The following ADAMTS10 variants were observed in gnomAD, a reference collection of about 807,000 sequenced individuals.
ADAMTS10 encodes A disintegrin and metalloproteinase with thrombospondin motifs 10.
ADAMTS10 carries 48 observed loss-of-function variants against 135.9 expected under a neutral mutation model. The observed-to-expected ratio is 0.35, with a 90% CI of 0.28 to 0.45. The LOEUF (loss-of-function observed/expected upper bound fraction) is 0.45. Among genes scored for constraint, ADAMTS10 ranks in the 20% least tolerant of loss-of-function variants. ADAMTS10 has a pLI of 1.00. For synonymous variants in ADAMTS10, 621 were observed against 647.5 expected, an observed-to-expected ratio of 0.96 and a Z score of 0.62; for missense variants, 1,131 against 1,565.2, an observed-to-expected ratio of 0.72 and a Z score of 4.68.
In ADAMTS10 at chr19:8,587,159, C is replaced by CTT. The variant is rs1201726308; in HGVS notation, c.2159-265_2159-264dup. Among the ~76,000 whole-genome samples, 20 of 151,158 alleles carry CTT rather than the reference C, an allele frequency of 1.3e-4. 1 individual carries two copies. The highest frequency in any genetic ancestry group is 9.2e-4 in the Admixed American group (14 of 15,138). On this transcript the variant is annotated intron_variant, in intron 18 of 25. Transcript: ENST00000597188. ...GGTTAGGATTTTTCTTTCTTTCTTT[C>CTT]TTTCTTTTTTTTTTTTGGAGACAGG...
chr19:8,603,889 GTT>G lies in ADAMTS10; in HGVS notation c.436-7_436-6del. On this transcript the variant is annotated splice_region_variant and splice_polypyrimidine_tract_variant and intron_variant, in intron 4 of 25. Coordinates refer to ENST00000597188, the MANE Select transcript of ADAMTS10 (RefSeq NM_030957.4). ...GTCTGCCACGATCAGGCCGTGCTGG[GTT>G]TTGAGAAGTGGGATAGAAAGCTCTC... is the stretch of plus-strand genomic sequence containing the variant. 6.2e-7 allele frequency: 1 copy of G among 1,601,734 alleles called. No homozygotes were observed. Among genetic ancestry groups the G allele is most frequent in the Non-Finnish European group, 8.5e-7 (1 of 1,171,006 alleles).
rs782324329 is a variant in ADAMTS10 at position 8,586,728 on chromosome 19, G to A, written c.2240-7C>T. 1 of 1,614,114 alleles carries A rather than the reference G, an allele frequency of 6.2e-7. No individual in the cohort carries two copies. The highest frequency in any genetic ancestry group is 2.2e-5 in the East Asian group (1 of 44,878). ...TCCTGGTCTCCCTTCAGGGCTGGGG[G>A]ACGATGCAGGGTTCAGAATTCTAGT... On this transcript the variant is annotated splice_region_variant and splice_polypyrimidine_tract_variant and intron_variant, in intron 19 of 25. Coordinates refer to ENST00000597188, the MANE Select transcript of ADAMTS10 (RefSeq NM_030957.4).
intron 6 of ADAMTS10, among the ~76,000 whole-genome samples, chr19:8,600,500 CTTTT>C (rs797035354): frequency 7.7e-6 from 1 of 129,832 alleles, no homozygotes. Flanking sequence ...TCTTTCTTTT[CTTTT>C]TTTTTTTTTT....
At chr19:8,609,586 C>G (rs942262653) in intron 1 of ADAMTS10, among the ~76,000 whole-genome samples, 1 of 152,088 alleles carries the variant, frequency 6.6e-6, no homozygotes, top group African/African-American at 2.4e-5. Flanking sequence ...GAGGCAGTCC[C>G]TGCCGGAGAG....
At chr19:8,602,211 T>A (rs1422201740) in intron 5 of ADAMTS10, among the ~76,000 whole-genome samples, 1 of 152,218 alleles carries the variant, frequency 6.6e-6, no homozygotes, top group African/African-American at 2.4e-5. Context: ...CTTTTTTCTG[T>A]CTGTACTGCT....
At chr19:8,585,755 A>G in intron 22 of ADAMTS10, 95 bp from the exon 23 acceptor site, 1 of 1,274,126 alleles carries the variant, frequency 7.8e-7, no homozygotes, top group Non-Finnish European at 1.1e-6. Context: ...CCTTCCAATC[A>G]CCCAGCCTCA....
In ADAMTS10 at chr19:8,589,281, T is replaced by C. The variant is rs1568395680; in HGVS notation, c.2119A>G (p.Thr707Ala). 1 of 1,612,392 alleles carries C rather than the reference T, an allele frequency of 6.2e-7. No individual in the cohort carries two copies. The highest frequency in any genetic ancestry group is 8.5e-7 in the Non-Finnish European group (1 of 1,179,922). Residue 707 changes from threonine (T) to alanine (A), a missense_variant, in exon 18 of 26, where the codon ACC (threonine) becomes GCC (alanine). By Grantham distance (58) the Thr-to-Ala change is moderately conservative (BLOSUM62 0). This residue lies in a region of ADAMTS10 where 745 missense variants were observed against 1,056.3 expected (regional missense o/e 0.71). Transcript: ENST00000597188. ...VCGGDGSACE[T>A]IEGVFSPASP... ...GCTGGGCTGAAGACGCCCTCGATGG[T>C]CTCGCAGGCACTGCCGTCACCGCCA...
Position 8,596,575 on chromosome 19 carries a change from A to G in ADAMTS10, c.1051T>C (p.Cys351Arg). 1 of 1,613,372 alleles carries G rather than the reference A, an allele frequency of 6.2e-7. No homozygotes were observed. The highest frequency in any genetic ancestry group is 8.5e-7 in the Non-Finnish European group (1 of 1,179,992). The change falls in exon 9 of 26, where the codon TGC becomes CGC. Residue 351 changes from cysteine to arginine, a missense_variant. Cys to Arg is a radical substitution (Grantham distance 180). Coordinates refer to ENST00000597188, the MANE Select transcript of ADAMTS10 (RefSeq NM_030957.4). This position sits in a 1 kb window ranked among gnomAD's most constrained non-coding sequence, Gnocchi z 7.2. The part of the protein sequence containing the change: ...TAVLITRYDI[C>R]IYKNKPCGTL... ...CCGCAGGGTTTGTTCTTGTAGATGC[A>G]GATGTCATAGCTGTAAAAGGAGACA...
chr19:8,592,290 A>T (rs2042544970), intron 13 of ADAMTS10, 187 bp from the exon 14 acceptor site: 1 of 1,196,924 alleles, frequency 8.4e-7, no homozygotes, highest in Non-Finnish European at 1.2e-6. Flanking sequence ...ACCAGGTACA[A>T]GCGAGAGGCG....
At chr19:8,607,730 G>T (rs2042735731) in intron 2 of ADAMTS10, among the ~76,000 whole-genome samples, 1 of 151,894 alleles carries the variant, frequency 6.6e-6, no homozygotes, top group African/African-American at 2.4e-5. Flanking sequence ...GTGACGGGGA[G>T]CTCACTCACA....
intron 25 of ADAMTS10, chr19:8,581,387 A>T (rs1252614688): frequency 6.2e-6 from 1 of 160,164 alleles, no homozygotes; most frequent in Non-Finnish European, 1.4e-5. Flanking sequence ...GCCAACACAG[A>T]CACATTAGTA....
intron 25 of ADAMTS10, 115 bp downstream of exon 25, chr19:8,584,780 G>A (rs1555736378): frequency 7.2e-7 from 1 of 1,397,488 alleles, no homozygotes; most frequent in Non-Finnish European, 9.8e-7. Flanking sequence ...CAGAGACACA[G>A]CAATGCATTT....
intron 6 of ADAMTS10, among the ~76,000 whole-genome samples, chr19:8,600,209 C>T (rs565536422): frequency 1.1e-3 from 175 of 152,304 alleles, no homozygotes; most frequent in Non-Finnish European, 2.3e-3. Flanking sequence ...TCTACCTTAG[C>T]TTTATAAAGT....
At chr19:8,594,615 C>A (rs2042581954) in intron 12 of ADAMTS10, among the ~76,000 whole-genome samples, 1 of 152,154 alleles carries the variant, frequency 6.6e-6, no homozygotes, top group African/African-American at 2.4e-5. Context: ...TAAATCCCAG[C>A]TCTGTCATGG....
chr19:8,586,685 C>T lies in ADAMTS10; in HGVS notation c.2276G>A (p.Gly759Glu). ...KGDQESLLLE[G>E]LPGTPQPHRL... ...GTGGGGCTGGGGGGTCCCAGGCAGCCCCTCCAGCAGCAGGGACTCCTGGTC... is the reference window on the plus strand; with the variant it reads ...GTGGGGCTGGGGGGTCCCAGGCAGCTCCTCCAGCAGCAGGGACTCCTGGTC... The change falls in exon 20 of 26, where the codon GGG (glycine) becomes GAG (glutamate). Residue 759 changes from glycine (G) to glutamate (E), a missense_variant. Around this residue, in one of 3 missense-constraint regions of ADAMTS10, gnomAD observed 745 missense variants for 1,056.3 expected, o/e 0.71. Coordinates refer to ENST00000597188, the MANE Select transcript of ADAMTS10 (RefSeq NM_030957.4). 6.2e-7 allele frequency: 1 copy of T among 1,613,160 alleles called. No individual in the cohort carries two copies. Among genetic ancestry groups the T allele is most frequent in the Non-Finnish European group, 8.5e-7 (1 of 1,179,282 alleles).
At position 8,596,855 on chromosome 19, in the gene ADAMTS10, G is replaced by A. The variant is rs2042611343; in HGVS notation, c.1040+132C>T. The stretch of plus-strand genomic sequence containing the variant: ...CTCAAGCAGCCCCTCCCCATCCCTG[G>A]CTCCCTCATGGGCAGCCCAAACTTC... On this transcript the variant is annotated intron_variant, in intron 8 of 25. Transcript: ENST00000597188. The surrounding 1 kb of genome is among the most constrained non-coding windows in gnomAD (Gnocchi z 7.2). 1 of 1,427,392 alleles carries A rather than the reference G, an allele frequency of 7.0e-7. No homozygotes were observed. Among genetic ancestry groups the A allele is most frequent in the Non-Finnish European group, 9.6e-7 (1 of 1,037,300 alleles). 88.4% of individuals were successfully genotyped at this position (1,427,392 alleles called of 1,614,324 possible). A position where few individuals can be genotyped will look rare whatever the true frequency, so the allele number is the denominator to read the frequency against.
In ADAMTS10 at chr19:8,609,861, G is replaced by A. The variant is rs2042761829; in HGVS notation, c.-215+783C>T. The stretch of plus-strand genomic sequence containing the variant: ...TGTAGACCCACAAAAGACGCAGGAC[G>A]CCTCCACCGCAGACACACACGCCGA... On this transcript the variant is annotated intron_variant, in intron 1 of 25. Transcript: ENST00000597188. 2.6e-5 allele frequency among the ~76,000 whole-genome samples: 4 copies of A among 151,726 alleles called. No individual in the cohort carries two copies. The South Asian group carries it at 8.4e-4, about 32-fold the overall frequency.
In ADAMTS10 at chr19:8,586,399, G is replaced by T; in HGVS notation, c.2475C>A (p.Pro825=). Residue 825 remains proline, a synonymous_variant, in exon 21 of 26, where the codon CCC becomes CCA. Transcript: ENST00000597188. ...AGGGCGCATAGTGCCAGGAGTAGGG[G>T]GGCAGCGAGTCACGGGCGATGGGGG... is the stretch of plus-strand genomic sequence containing the variant. ...FNAPIARDSL[P]PYSWHYAPWT... The T allele has an allele frequency of 6.2e-7, 1 of 1,613,952 alleles. No homozygotes were observed. The highest frequency in any genetic ancestry group is 1.1e-5 in the South Asian group (1 of 91,074).
intron 5 of ADAMTS10, 121 bp downstream of exon 5, chr19:8,603,607 T>C (rs2042689300): frequency 4.9e-6 from 7 of 1,438,562 alleles, no homozygotes; most frequent in African/African-American, 1.4e-5. Flanking sequence ...TGTCCCCTTC[T>C]CAGCAGCTCC....
Sources: allele counts gnomAD v4.1 joint callset (sites outside exome capture counted in the v4.1 genomes callset), GRCh38; gene constraint gnomAD v4.1.1; regional missense constraint gnomAD v4.1.1; non-coding constraint Gnocchi (gnomAD v3.1); transcripts MANE v1.5; gene names NCBI Gene and HGNC (gene_info 2026-07-23, HGNC 2026-07-21).